The following EEF2K variants were observed in gnomAD, a reference collection of about 807,000 sequenced individuals.
EEF2K encodes eukaryotic elongation factor 2 kinase.
Under a neutral mutation model 93.8 loss-of-function variants are expected in EEF2K, and 70 were observed. That is an observed-to-expected ratio of 0.75 (90% CI 0.62 to 0.91). The LOEUF (loss-of-function observed/expected upper bound fraction) is 0.91, where lower values mean the gene tolerates loss of function less well. EEF2K is among the 40% of genes least tolerant of loss of function. EEF2K has a pLI of 0.00. For missense variants in EEF2K, 935 were observed against 972.9 expected, an observed-to-expected ratio of 0.96 and a Z score of 0.52; for synonymous variants, 376 against 380.8, an observed-to-expected ratio of 0.99 and a Z score of 0.15.
chr16:22,212,758 C>T (rs180748023), intron 1 of EEF2K, among the ~76,000 whole-genome samples: 1 of 152,196 alleles, frequency 6.6e-6, no homozygotes, highest in East Asian at 1.9e-4. Flanking sequence ...CTTTGGGAGG[C>T]TGTGGCTGGA....
At chr16:22,229,008 G>A (rs1359803994) in intron 2 of EEF2K, among the ~76,000 whole-genome samples, 2 of 152,042 alleles carry the variant, frequency 1.3e-5, no homozygotes, top group Non-Finnish European at 2.9e-5. Context: ...CAATGGTGGT[G>A]CATGCCTGTA....
At chr16:22,219,760 T>C (rs2046994002) in intron 1 of EEF2K, among the ~76,000 whole-genome samples, 1 of 152,234 alleles carries the variant, frequency 6.6e-6, no homozygotes, top group Non-Finnish European at 1.5e-5. Context: ...AGTTTAGCTA[T>C]CAGAGTATGA....
chr16:22,265,496 C>T (rs529146716), intron 13 of EEF2K, among the ~76,000 whole-genome samples: 19 of 152,218 alleles, frequency 1.2e-4, no homozygotes, highest in Admixed American at 5.9e-4. Context: ...CAGGGCCCCT[C>T]GTCCAGGAGC....
At chr16:22,257,434 A>G (rs1442901473) in intron 8 of EEF2K, 49 bp downstream of exon 8, 2 of 1,603,070 alleles carry the variant, frequency 1.2e-6, no homozygotes, top group Non-Finnish European at 1.7e-6. Flanking sequence ...GCTCCCTGCT[A>G]AAACCTCTGA....
intron 1 of EEF2K, among the ~76,000 whole-genome samples, chr16:22,223,800 T>C (rs1056235032): frequency 6.6e-6 from 1 of 152,178 alleles, no homozygotes; most frequent in Non-Finnish European, 1.5e-5. Context: ...TTTCTAACAG[T>C]CACGGAGTAT....
chr16:22,221,650 C>T (rs371210338), intron 1 of EEF2K, among the ~76,000 whole-genome samples: 1 of 152,246 alleles, frequency 6.6e-6, no homozygotes, highest in African/African-American at 2.4e-5. Context: ...TGATGGACAG[C>T]ACTGTCAAAA....
chr16:22,274,860 C>G (rs1260365651), intron 16 of EEF2K, among the ~76,000 whole-genome samples: 1 of 152,172 alleles, frequency 6.6e-6, no homozygotes, highest in African/African-American at 2.4e-5. Context: ...CTTCCCTCCT[C>G]AGCCTCCCAA....
intron 13 of EEF2K, 104 bp from the exon 14 acceptor site, chr16:22,266,286 C>T (rs756499469): frequency 8.8e-6 from 13 of 1,480,630 alleles, no homozygotes; most frequent in Non-Finnish European, 1.2e-5. Context: ...GGTTCACTCC[C>T]CATCTCCCTC....
At chr16:22,250,296 T>C (rs1462427644) in intron 4 of EEF2K, among the ~76,000 whole-genome samples, 1 of 152,214 alleles carries the variant, frequency 6.6e-6, no homozygotes, top group Non-Finnish European at 1.5e-5. Flanking sequence ...GGTTGATTTT[T>C]CCAGTATATT....
rs71151665 is a variant in EEF2K, at chr16:22,236,934, C to CTTTTTTTTT, written c.247-7676_247-7668dup. ...TTTTTTATGAAATATCCACAGACCTCTTTTTTTTTTTTTTTTTTTTTTTTT... is the reference window on the plus strand; with the variant it reads ...TTTTTTATGAAATATCCACAGACCTCTTTTTTTTTTTTTTTTTTTTTTTTTTTTTTTTTT... On this transcript the variant is annotated intron_variant, in intron 2 of 17. Coordinates refer to ENST00000263026, the MANE Select transcript of EEF2K (RefSeq NM_013302.5). Among the ~76,000 whole-genome samples the CTTTTTTTTT allele has an allele frequency of 3.6e-5, 2 of 56,174 alleles. 1 individual carries two copies. Among genetic ancestry groups the CTTTTTTTTT allele is most frequent in the African/African-American group, 1.3e-4 (2 of 15,768 alleles). 36.9% of individuals were successfully genotyped at this position (56,174 alleles called of 152,430 possible). A position where few individuals can be genotyped will look rare whatever the true frequency, so the allele number is the denominator to read the frequency against.
chr16:22,223,700 G>A (rs533621176), intron 1 of EEF2K, among the ~76,000 whole-genome samples: 2 of 152,268 alleles, frequency 1.3e-5, no homozygotes, highest in African/African-American at 4.8e-5. Context: ...TTGAAAATCA[G>A]GTGGCTGTAA....
intron 1 of EEF2K, among the ~76,000 whole-genome samples, chr16:22,223,025 C>T (rs950848393): frequency 7.2e-5 from 11 of 152,260 alleles, no homozygotes; most frequent in Non-Finnish European, 1.6e-4. Flanking sequence ...CACCACCACA[C>T]CCTACCTCCA....
At chr16:22,231,266 G>GTTTA (rs200976466) in intron 2 of EEF2K, among the ~76,000 whole-genome samples, 5,258 of 151,362 alleles carry the variant, frequency 0.035, 156 homozygotes, top group Non-Finnish European at 0.048. Context: ...TTTTTTATTT[G>GTTTA]TTTATTTATT....
intron 2 of EEF2K, among the ~76,000 whole-genome samples, chr16:22,230,512 CCTTTTCTTCTT>C (rs1399873965): frequency 6.6e-6 from 1 of 151,724 alleles, no homozygotes; most frequent in East Asian, 1.9e-4. Flanking sequence ...ACATGCCCAG[CCTTTTCTTCTT>C]CTTTTCTTTT....
At chr16:22,210,232 C>T (rs1206617143) in intron 1 of EEF2K, among the ~76,000 whole-genome samples, 1 of 152,156 alleles carries the variant, frequency 6.6e-6, no homozygotes, top group East Asian at 1.9e-4. Flanking sequence ...GCTCCAGAGT[C>T]AGAAGGTGGA....
intron 1 of EEF2K, among the ~76,000 whole-genome samples, chr16:22,219,953 C>G (rs1173805103): frequency 1.3e-5 from 2 of 152,186 alleles, no homozygotes; most frequent in Non-Finnish European, 2.9e-5. Flanking sequence ...AAGGGGCACA[C>G]TCCCTTTAAG....
intron 13 of EEF2K, among the ~76,000 whole-genome samples, chr16:22,265,659 G>A (rs986885533): frequency 6.6e-6 from 1 of 152,230 alleles, no homozygotes; most frequent in Non-Finnish European, 1.5e-5. Flanking sequence ...GGGCTGAATC[G>A]TTCCTTGTTG....
intron 1 of EEF2K, among the ~76,000 whole-genome samples, chr16:22,219,121 C>A (rs2046988687): frequency 1.3e-5 from 2 of 151,954 alleles, no homozygotes; most frequent in African/African-American, 4.8e-5. Context: ...GATAGAGACC[C>A]CTAGGAGGCT....
chr16:22,258,806 C>A, intron 10 of EEF2K, 111 bp downstream of exon 10: 1 of 1,436,352 alleles, frequency 7.0e-7, no homozygotes, highest in Non-Finnish European at 9.5e-7. Context: ...CGAAAAGGTT[C>A]ATGGCCCCAG....
Sources: gnomAD v4.1 joint callset for allele counts (sites outside exome capture counted in the v4.1 genomes callset) on GRCh38, gnomAD v4.1.1 for gene constraint, MANE v1.5 for transcripts, NCBI Gene and HGNC (gene_info 2026-07-23, HGNC 2026-07-21) for gene names.